PACS2: variants seen among roughly 807,000 people sequenced by gnomAD.
PACS2 encodes PACS1-like protein.
PACS2 carries 36 observed loss-of-function variants against 113.0 expected under a neutral mutation model. The observed-to-expected ratio is 0.32, with a 90% CI of 0.24 to 0.42. The LOEUF is 0.42. Among genes scored for constraint, PACS2 ranks in the 10% least tolerant of loss-of-function variants. The probability of loss-of-function intolerance (pLI) is 1.00; values close to 1 mark genes in which losing one functional copy is unlikely to be tolerated. For synonymous variants in PACS2, 589 were observed against 536.1 expected, an observed-to-expected ratio of 1.10 and a Z score of -1.36; for missense variants, 1,015 against 1,239.5, an observed-to-expected ratio of 0.82 and a Z score of 2.72.
At chr14:105,381,820 C>T in intron 12 of PACS2, 94 bp from the exon 13 acceptor site, 3 of 1,191,132 alleles carry the variant, frequency 2.5e-6, no homozygotes, top group Non-Finnish European at 3.5e-6. Context: ...CTGTCCCCAC[C>T]ACAATGTGTA....
intron 1 of PACS2, among the ~76,000 whole-genome samples, chr14:105,302,121 G>T (rs1244955557): frequency 6.6e-6 from 1 of 151,512 alleles, no homozygotes; most frequent in African/African-American, 2.4e-5. Context: ...CCTGGGTGAC[G>T]GGTGACAAGA....
rs1289349500 is a variant in PACS2 at position 105,354,125 on chromosome 14, C to T, written c.298-927C>T. Among the ~76,000 whole-genome samples, 1 of 151,994 alleles carries T rather than the reference C, an allele frequency of 6.6e-6. No individual in the cohort carries two copies. Among genetic ancestry groups the T allele is most frequent in the Non-Finnish European group, 1.5e-5 (1 of 67,988 alleles). On this transcript the variant is annotated intron_variant, in intron 3 of 24. Transcript: ENST00000447393. This position sits in a 1 kb window ranked among gnomAD's most constrained non-coding sequence, Gnocchi z 4.2. ...GAATATAATAACGAGGGCAAAAAAA[C>T]ACTTACTGAGTCAAGGCTATTTTGC...
At chr14:105,380,298 G>A in intron 11 of PACS2, 144 bp downstream of exon 11, 1 of 702,142 alleles carries the variant, frequency 1.4e-6, no homozygotes. Context: ...GCCCTCAGGG[G>A]TGGCCAGGCT....
rs2080981490 is a variant in PACS2, at chr14:105,381,187, C to G, written c.1268+88C>G. ...GGCATCAGTCGGGGTGGGTGCGTGTCAGTCCATCCTGATGAGCTCCCTCGG... is the reference window on the plus strand; with the variant it reads ...GGCATCAGTCGGGGTGGGTGCGTGTGAGTCCATCCTGATGAGCTCCCTCGG... On this transcript the variant is annotated intron_variant, in intron 12 of 24. Transcript: ENST00000447393. 6 of 1,196,124 alleles carry G rather than the reference C, an allele frequency of 5.0e-6. No homozygotes were observed. In the South Asian group the frequency reaches 8.9e-5, roughly 18 times the overall value. The allele number at this position is 1,196,124 out of a possible 1,614,324, so 74.1% of individuals were successfully genotyped here. A position where few individuals can be genotyped will look rare whatever the true frequency, so the allele number is the denominator to read the frequency against.
chr14:105,364,949 CA>C (rs1482813885), intron 4 of PACS2, among the ~76,000 whole-genome samples: 1 of 152,182 alleles, frequency 6.6e-6, no homozygotes, highest in Non-Finnish European at 1.5e-5. Context: ...CCACCTGCCT[CA>C]ACCTCCCAAA....
In PACS2 at chr14:105,395,929, C is replaced by T. The variant is rs1253851233; in HGVS notation, c.*1257C>T. 6.6e-6 allele frequency: 1 copy of T among 152,272 alleles called. No individual in the cohort carries two copies. Among genetic ancestry groups the T allele is most frequent in the African/African-American group, 2.4e-5 (1 of 41,442 alleles). The allele number at this position is 152,272 out of a possible 1,614,324, so 9.4% of individuals were successfully genotyped here. ...GCCCTCCCAGGGGTCCTGATCGACC[C>T]TGGGGGCTCTTGGCCTGGTTTCGTA... On this transcript the variant is annotated 3_prime_UTR_variant, in exon 25 of 25. Coordinates refer to ENST00000447393, the MANE Select transcript of PACS2 (RefSeq NM_001100913.3).
At chr14:105,339,509 T>TAAA (rs112048576) in intron 1 of PACS2, among the ~76,000 whole-genome samples, 16 of 111,704 alleles carry the variant, frequency 1.4e-4, no homozygotes, top group African/African-American at 4.2e-4. Context: ...TCTGTCTCTA[T>TAAA]AAAAAAAAAA....
chr14:105,344,269 T>C (rs1187223184), intron 1 of PACS2, among the ~76,000 whole-genome samples: 1 of 151,058 alleles, frequency 6.6e-6, no homozygotes, highest in African/African-American at 2.5e-5. Flanking sequence ...TTGTTTTGTT[T>C]TGTTTTTGGA....
At chr14:105,383,035 C>T (rs2081047711) in intron 15 of PACS2, 122 bp downstream of exon 15, 6 of 669,064 alleles carry the variant, frequency 9.0e-6, no homozygotes, top group Non-Finnish European at 1.6e-5. Context: ...CTGGTGTCCA[C>T]AGAGGCTGAC....
chr14:105,303,339 G>A (rs587758560), intron 1 of PACS2, among the ~76,000 whole-genome samples: 11 of 152,132 alleles, frequency 7.2e-5, no homozygotes, highest in Non-Finnish European at 1.5e-4. Context: ...CACCTCCCGG[G>A]TTCATGCCAT....
intron 1 of PACS2, among the ~76,000 whole-genome samples, chr14:105,319,354 C>T (rs2058798604): frequency 6.6e-6 from 1 of 152,230 alleles, no homozygotes; most frequent in Non-Finnish European, 1.5e-5. Context: ...GGTACTGAGT[C>T]TTCTCATTCA....
chr14:105,335,251 G>A (rs1313352789), intron 1 of PACS2, among the ~76,000 whole-genome samples: 2 of 152,244 alleles, frequency 1.3e-5, no homozygotes, highest in Admixed American at 6.5e-5. Flanking sequence ...GGCAGATGCC[G>A]TTGCTGGAGC....
Position 105,384,789 on chromosome 14 carries a change from C to T in PACS2, c.1892-90C>T, listed in dbSNP as rs2081116743. On this transcript the variant is annotated intron_variant, in intron 17 of 24. Transcript: ENST00000447393. ...TGCCGCGCTTCGGGGTACGGGAGGCCTGGGCGGGGCACCGGGGAGGCCCAG... is the reference window on the plus strand; with the variant it reads ...TGCCGCGCTTCGGGGTACGGGAGGCTTGGGCGGGGCACCGGGGAGGCCCAG... 2.9e-5 allele frequency: 25 copies of T among 848,822 alleles called. No individual in the cohort carries two copies. In the South Asian group the frequency reaches 3.5e-4, roughly 12 times the overall value. The allele number at this position is 848,822 out of a possible 1,614,324, so 52.6% of individuals were successfully genotyped here.
At chr14:105,385,975 T>TGG (rs2081163816) in intron 19 of PACS2, among the ~76,000 whole-genome samples, 1 of 152,220 alleles carries the variant, frequency 6.6e-6, no homozygotes, top group Admixed American at 6.5e-5. Context: ...AGATGGGCCC[T>TGG]CCTGTCCCTG....
At position 105,355,228 on chromosome 14, in the gene PACS2, A is replaced by G; in HGVS notation, c.423+51A>G. ...GCGTCGGGCTGGCCACCTGGGTGCC[A>G]GAGCATTCGCCCGTGGGAGATGGAG... On this transcript the variant is annotated intron_variant, in intron 4 of 24. Transcript: ENST00000447393. This position sits in a 1 kb window ranked among gnomAD's most constrained non-coding sequence, Gnocchi z 4.1. 1 of 1,588,766 alleles carries G rather than the reference A, an allele frequency of 6.3e-7. No homozygotes were observed. Among genetic ancestry groups the G allele is most frequent in the East Asian group, 2.2e-5 (1 of 44,472 alleles).
At chr14:105,391,556 C>T in intron 21 of PACS2, 75 bp from the exon 22 acceptor site, 7 of 1,304,106 alleles carry the variant, frequency 5.4e-6, no homozygotes, top group Non-Finnish European at 7.4e-6. Flanking sequence ...TGGCCACATC[C>T]TGGTCCGGAG....
In PACS2 at chr14:105,357,294, G is replaced by A. The variant is rs895275660; in HGVS notation, c.423+2117G>A. Among the ~76,000 whole-genome samples the A allele has an allele frequency of 1.1e-4, 17 of 151,966 alleles. No homozygotes were observed. The highest frequency in any genetic ancestry group is 2.9e-4 in the African/African-American group (12 of 41,424). On this transcript the variant is annotated intron_variant, in intron 4 of 24. Coordinates refer to ENST00000447393, the MANE Select transcript of PACS2 (RefSeq NM_001100913.3). This position sits in a 1 kb window ranked among gnomAD's most constrained non-coding sequence, Gnocchi z 5.1. Reference sequence around the variant, plus strand: ...CACCCCAGGTCACACCAGCCACATCGTCTGCTGCTTGAAATCCCATCATCT... The same window carrying A: ...CACCCCAGGTCACACCAGCCACATCATCTGCTGCTTGAAATCCCATCATCT...
chr14:105,315,010 AC>A lies in PACS2; in HGVS notation c.93del (p.Asp31GlufsTer14). The part of the protein sequence containing the change: ...PMNLFATWEV[D>X]GSSPSCVPRL... ...AACCTGTTCGCCACCTGGGAGGTGGACGGCTCCAGCCCCAGCTGCGTGCCCA... is the reference window on the plus strand; with the variant it reads ...AACCTGTTCGCCACCTGGGAGGTGGAGGCTCCAGCCCCAGCTGCGTGCCCA... On this transcript the variant is annotated frameshift_variant, in exon 1 of 25. Transcript: ENST00000447393. LOFTEE classifies it high-confidence loss of function. The surrounding 1 kb of genome is among the most constrained non-coding windows in gnomAD (Gnocchi z 4.4). The A allele has an allele frequency of 8.0e-7, 1 of 1,254,362 alleles. No homozygotes were observed. Among genetic ancestry groups the A allele is most frequent in the Non-Finnish European group, 1.0e-6 (1 of 979,556 alleles). 77.7% of individuals were successfully genotyped at this position (1,254,362 alleles called of 1,614,324 possible).
In PACS2 at chr14:105,392,682, G is replaced by A. The variant is rs1418855295; in HGVS notation, c.2319G>A (p.Ala773=). The A allele has an allele frequency of 6.4e-5, 104 of 1,612,560 alleles. No individual in the cohort carries two copies. The highest frequency in any genetic ancestry group is 7.7e-5 in the Non-Finnish European group (91 of 1,179,874). The stretch of plus-strand genomic sequence containing the variant: ...ACTACTGGACGGCAGCACAGCCTGC[G>A]GACAGGAAGAGGGACGCCGAGAAGA... The part of the protein sequence containing the change: ...QVDYWTAAQP[A]DRKRDAEKKD... The change falls in exon 23 of 25, where the codon GCG becomes GCA. Residue 773 remains alanine (A), a synonymous_variant. Transcript: ENST00000447393.
Sources: gnomAD v4.1 joint callset for allele counts (sites outside exome capture counted in the v4.1 genomes callset) on GRCh38, gnomAD v4.1.1 for gene constraint, Gnocchi (gnomAD v3.1) non-coding constraint, MANE v1.5 for transcripts, NCBI Gene and HGNC (gene_info 2026-07-23, HGNC 2026-07-21) for gene names.